SYNCRIP: variants seen among roughly 807,000 people sequenced by gnomAD.
SYNCRIP encodes the protein heterogeneous nuclear ribonucleoprotein Q.
Under a neutral mutation model 68.9 loss-of-function variants are expected in SYNCRIP, and 9 were observed. That is an observed-to-expected ratio of 0.13 (90% CI 0.08 to 0.23). The LOEUF is 0.23. Ranked by LOEUF, SYNCRIP falls within the 10% of genes least tolerant of loss-of-function variation. The pLI is 1.00. For missense variants in SYNCRIP, 414 were observed against 770.6 expected, an observed-to-expected ratio of 0.54 and a Z score of 5.48; for synonymous variants, 258 against 254.0, an observed-to-expected ratio of 1.02 and a Z score of -0.15.
intron 4 of SYNCRIP, among the ~76,000 whole-genome samples, chr6:85,638,903 C>T (rs1382947377): frequency 6.6e-6 from 1 of 152,192 alleles, no homozygotes; most frequent in Non-Finnish European, 1.5e-5. Flanking sequence ...TTTACCACAA[C>T]TTAGCTCTCA....
chr6:85,623,571 A>AAAAAAAAAAAAAAAAAAAAAAAAAAAC (rs1562087648), intron 7 of SYNCRIP, among the ~76,000 whole-genome samples: 1 of 147,972 alleles, frequency 6.8e-6, no homozygotes, highest in African/African-American at 2.6e-5. Context: ...CCAAAAAAAA[A>AAAAAAAAAAAAAAAAAAAAAAAAAAAC]AAAAAAAAAA....
chr6:85,636,894 G>A, intron 6 of SYNCRIP, 73 bp downstream of exon 6: 1 of 1,436,150 alleles, frequency 7.0e-7, no homozygotes, highest in South Asian at 1.4e-5. Flanking sequence ...TAAACTCTTA[G>A]GCACACTAAG....
At chr6:85,632,769 C>A (rs1807951832) in intron 6 of SYNCRIP, among the ~76,000 whole-genome samples, 2 of 151,802 alleles carry the variant, frequency 1.3e-5, no homozygotes, top group South Asian at 2.1e-4. Context: ...TAGTGAGACA[C>A]CACCTCTACA....
Position 85,622,494 on chromosome 6 carries a change from C to G in SYNCRIP, c.996G>C (p.Glu332Asp). 1 of 1,614,056 alleles carries G rather than the reference C, an allele frequency of 6.2e-7. No homozygotes were observed. The highest frequency in any genetic ancestry group is 2.2e-5 in the East Asian group (1 of 44,874). Residue 332 changes from glutamate to aspartate, a missense_variant, in exon 8 of 11, where the codon GAG (glutamate) becomes GAC (aspartate). Glu to Asp is a conservative substitution (Grantham distance 45). Around this residue, in one of 6 missense-constraint regions of SYNCRIP, gnomAD observed 51 missense variants for 151.1 expected, o/e 0.34. Transcript: ENST00000369622. ...WADPIEDPDP[E>D]VMAKVKVLFV... ...TGACTATCATTACCTTTGCCATAACCTCAGGATCAGGATCTTCTATAGGAT... is the reference window on the plus strand; with the variant it reads ...TGACTATCATTACCTTTGCCATAACGTCAGGATCAGGATCTTCTATAGGAT...
Position 85,637,150 on chromosome 6 carries a change from A to G in SYNCRIP, c.490-7T>C, listed in dbSNP as rs776383305. ...GGATCTTTCCCACAAATATCTGTAA[A>G]TTAAATATTAAGTAAAAACCATGGA... On this transcript the variant is annotated splice_region_variant and splice_polypyrimidine_tract_variant and intron_variant, in intron 5 of 10. Coordinates refer to ENST00000369622, the MANE Select transcript of SYNCRIP (RefSeq NM_006372.5). The G allele has an allele frequency of 6.2e-7, 1 of 1,607,584 alleles. No homozygotes were observed. The highest frequency in any genetic ancestry group is 8.5e-7 in the Non-Finnish European group (1 of 1,177,942).
chr6:85,624,181 T>A, intron 6 of SYNCRIP, 69 bp from the exon 7 acceptor site: 2 of 1,456,904 alleles, frequency 1.4e-6, no homozygotes, highest in Non-Finnish European at 1.9e-6. Context: ...TTATAAAAGA[T>A]ACACAAGAGC....
Position 85,614,082 on chromosome 6 carries a change from G to A in SYNCRIP, c.*674C>T. On this transcript the variant is annotated 3_prime_UTR_variant, in exon 11 of 11. Coordinates refer to ENST00000369622, the MANE Select transcript of SYNCRIP (RefSeq NM_006372.5). ...CTGCAATAAATCAGTGTTGTGTAAT[G>A]TGCAGACATATTCCACACAAGAATT... 1.0e-6 allele frequency: 1 copy of A among 985,842 alleles called. No individual in the cohort carries two copies. Among genetic ancestry groups the A allele is most frequent in the Non-Finnish European group, 1.2e-6 (1 of 829,936 alleles). The allele number at this position is 985,842 out of a possible 1,614,324, so 61.1% of individuals were successfully genotyped here. A position where few individuals can be genotyped will look rare whatever the true frequency, so the allele number is the denominator to read the frequency against.
chr6:85,632,429 A>G (rs1237525259), intron 6 of SYNCRIP, among the ~76,000 whole-genome samples: 2 of 152,356 alleles, frequency 1.3e-5, no homozygotes, highest in Non-Finnish European at 2.9e-5. Context: ...AACACAGTAG[A>G]GATAGCTTCC....
intron 8 of SYNCRIP, 26 bp downstream of exon 8, chr6:85,622,456 A>G (rs781762624): frequency 6.2e-7 from 1 of 1,609,978 alleles, no homozygotes; most frequent in South Asian, 1.1e-5. Flanking sequence ...TCCCTCAAAA[A>G]ATATTTTTAA....
chr6:85,624,084 T>C lies in SYNCRIP; in HGVS notation c.695A>G (p.Lys232Arg). 1 of 1,613,784 alleles carries C rather than the reference T, an allele frequency of 6.2e-7. No homozygotes were observed. The highest frequency in any genetic ancestry group is 8.5e-7 in the Non-Finnish European group (1 of 1,179,874). Reference protein sequence around the residue: ...LYNNHEIRSGKHIGVCISVAN... With the variant: ...LYNNHEIRSGRHIGVCISVAN... ...AACTGAGATGCAGACACCAATATGTTTTCCAGAACGAATTTCATGATTATT... is the reference window on the plus strand; with the variant it reads ...AACTGAGATGCAGACACCAATATGTCTTCCAGAACGAATTTCATGATTATT... Residue 232 changes from lysine to arginine, a missense_variant, in exon 7 of 11, where the codon AAA (lysine) becomes AGA (arginine). Lys to Arg is a conservative substitution (Grantham distance 26). Around this residue, in one of 6 missense-constraint regions of SYNCRIP, gnomAD observed 110 missense variants for 269.3 expected, o/e 0.41. Coordinates refer to ENST00000369622, the MANE Select transcript of SYNCRIP (RefSeq NM_006372.5).
chr6:85,634,380 A>T (rs1808194164), intron 6 of SYNCRIP, among the ~76,000 whole-genome samples: 1 of 152,202 alleles, frequency 6.6e-6, no homozygotes, highest in Non-Finnish European at 1.5e-5. Context: ...GAATTAGGTA[A>T]CCTACGATGT....
intron 8 of SYNCRIP, among the ~76,000 whole-genome samples, chr6:85,621,608 A>T (rs1171026519): frequency 4.0e-5 from 3 of 74,758 alleles, no homozygotes; most frequent in African/African-American, 1.9e-4. Context: ...CCTGTCACTT[A>T]AAAAAAAAAA....
chr6:85,609,859 A>T (rs965444932), downstream of SYNCRIP: 1 of 151,924 alleles, frequency 6.6e-6, no homozygotes, highest in Non-Finnish European at 1.5e-5. Flanking sequence ...CCTTGACAAT[A>T]TACAAAATTT....
At chr6:85,637,462 G>C in intron 4 of SYNCRIP, 106 bp from the exon 5 acceptor site, 1 of 705,862 alleles carries the variant, frequency 1.4e-6, no homozygotes, top group Non-Finnish European at 2.2e-6. Flanking sequence ...ATCTTGGCAT[G>C]TTCCCTTATA....
At chr6:85,631,204 G>A (rs1026809089) in intron 6 of SYNCRIP, among the ~76,000 whole-genome samples, 32 of 152,184 alleles carry the variant, frequency 2.1e-4, no homozygotes, top group African/African-American at 7.0e-4. Context: ...TCAGCCAGGC[G>A]TGGTGGCACA....
chr6:85,610,365 T>C (rs1805143621), downstream of SYNCRIP: 1 of 152,024 alleles, frequency 6.6e-6, no homozygotes, highest in Non-Finnish European at 1.5e-5. Context: ...TTTCACTTGA[T>C]GTGTATATAT....
At chr6:85,622,170 G>C (rs1051032789) in intron 8 of SYNCRIP, among the ~76,000 whole-genome samples, 1 of 152,040 alleles carries the variant, frequency 6.6e-6, no homozygotes, top group African/African-American at 2.4e-5. Context: ...TCAGGAGTTC[G>C]AGACCAGTCT....
At chr6:85,608,839 G>A (rs546428059) in exon 12 of SYNCRIP, 1 of 152,072 alleles carries the variant, frequency 6.6e-6, no homozygotes, top group South Asian at 2.1e-4. Context: ...TATTACTGAA[G>A]GCAGACTGTG....
chr6:85,609,883 A>C (rs1805110822), downstream of SYNCRIP: 3 of 151,890 alleles, frequency 2.0e-5, no homozygotes. Flanking sequence ...TTAACTTATC[A>C]CTGTCCATTC....
Sources: gnomAD v4.1 joint callset for allele counts (sites outside exome capture counted in the v4.1 genomes callset) on GRCh38, gnomAD v4.1.1 for gene constraint, gnomAD v4.1.1 regional missense constraint, MANE v1.5 for transcripts, NCBI Gene and HGNC (gene_info 2026-07-23, HGNC 2026-07-21) for gene names.